The following TMEM163 variants were observed in gnomAD, a reference collection of about 807,000 sequenced individuals.
TMEM163 encodes the protein transmembrane protein 163.
A neutral mutation model predicts 29.3 loss-of-function variants in TMEM163; 17 were observed. The observed-to-expected ratio is 0.58, with a 90% CI of 0.40 to 0.87. The LOEUF (loss-of-function observed/expected upper bound fraction) is 0.87. Ranked by LOEUF, TMEM163 falls within the 40% of genes least tolerant of loss-of-function variation. The pLI is 0.00. For missense variants in TMEM163, 303 were observed against 381.5 expected, an observed-to-expected ratio of 0.79 and a Z score of 1.71; for synonymous variants, 157 against 160.6, an observed-to-expected ratio of 0.98 and a Z score of 0.17.
intron 2 of TMEM163, among the ~76,000 whole-genome samples, chr2:134,585,629 C>G (rs1013709733): frequency 1.3e-5 from 2 of 151,940 alleles, no homozygotes; most frequent in African/African-American, 4.8e-5. Flanking sequence ...GTAGTCCCAG[C>G]TACTAGGGAG....
intron 2 of TMEM163, among the ~76,000 whole-genome samples, chr2:134,697,888 T>C (rs540876520): frequency 6.6e-6 from 1 of 152,358 alleles, no homozygotes; most frequent in South Asian, 2.1e-4. Context: ...CTATAAATTC[T>C]CTGTTGCCTT....
At chr2:134,666,440 C>T (rs912804139) in intron 2 of TMEM163, among the ~76,000 whole-genome samples, 19 of 152,302 alleles carry the variant, frequency 1.2e-4, no homozygotes, top group Admixed American at 7.8e-4. Context: ...AAGCTGCTGA[C>T]GTTTCTGCCT....
chr2:134,660,000 T>C (rs1683712520), intron 2 of TMEM163, among the ~76,000 whole-genome samples: 1 of 152,046 alleles, frequency 6.6e-6, no homozygotes, highest in Non-Finnish European at 1.5e-5. Flanking sequence ...ATTTAGTTCA[T>C]GAAGAAAGTG....
chr2:134,460,409 G>A lies in TMEM163; in HGVS notation c.668-2236C>T, dbSNP rs1057110833. ...TCCCTCCTGCCTCCAGCTAACAGGC[G>A]AGCTTTGCCATTTTAACCGCCCCCC... On this transcript the variant is annotated intron_variant, in intron 6 of 7. Coordinates refer to ENST00000281924, the MANE Select transcript of TMEM163 (RefSeq NM_030923.5). This position sits in a 1 kb window ranked among gnomAD's most constrained non-coding sequence, Gnocchi z 4.3. 2.0e-4 allele frequency among the ~76,000 whole-genome samples: 30 copies of A among 151,892 alleles called. No homozygotes were observed. The highest frequency in any genetic ancestry group is 1.8e-3 in the Admixed American group (27 of 15,258).
chr2:134,506,330 C>T (rs533788961), intron 4 of TMEM163, among the ~76,000 whole-genome samples: 1 of 152,258 alleles, frequency 6.6e-6, no homozygotes, highest in South Asian at 2.1e-4. Context: ...CTATTATTAG[C>T]GGAGGGCACG....
chr2:134,587,466 C>T (rs1457343678), intron 2 of TMEM163, among the ~76,000 whole-genome samples: 1 of 149,834 alleles, frequency 6.7e-6, no homozygotes, highest in Admixed American at 6.6e-5. Context: ...AGGCTGAGAA[C>T]ACCATCCACA....
At chr2:134,534,259 A>G (rs918331156) in intron 4 of TMEM163, among the ~76,000 whole-genome samples, 4 of 120,466 alleles carry the variant, frequency 3.3e-5, no homozygotes, top group Non-Finnish European at 5.3e-5. Flanking sequence ...TCTGATTGAT[A>G]AAACTGGACT....
In TMEM163 at chr2:134,715,767, GA is replaced by G. The variant is rs200439301; in HGVS notation, c.203-2449del. Among the ~76,000 whole-genome samples, 26 of 152,332 alleles carry G rather than the reference GA, an allele frequency of 1.7e-4. 2 individuals are homozygous for G. The highest frequency in any genetic ancestry group is 5.8e-4 in the African/African-American group (24 of 41,586). ...AGGAAGCTGTGCTTTAAAGCTGGAA[GA>G]AAGCCAGGCTGAAGAGACAGGACAG... On this transcript the variant is annotated intron_variant, in intron 1 of 7. Transcript: ENST00000281924.
In TMEM163 at chr2:134,519,140, C is replaced by T. The variant is rs560877444; in HGVS notation, c.459-16143G>A. Reference sequence around the variant, plus strand: ...GAAGTGTTGTAGTAGCCCACAATTCCGTGTTGCCATTTAAGATACTCACAG... The same window carrying T: ...GAAGTGTTGTAGTAGCCCACAATTCTGTGTTGCCATTTAAGATACTCACAG... On this transcript the variant is annotated intron_variant, in intron 4 of 7. Transcript: ENST00000281924. Among the ~76,000 whole-genome samples, 170 of 152,270 alleles carry T rather than the reference C, an allele frequency of 1.1e-3. 1 individual carries two copies. Among genetic ancestry groups the T allele is most frequent in the East Asian group, 2.3e-3 (12 of 5,176 alleles).
intron 4 of TMEM163, among the ~76,000 whole-genome samples, chr2:134,515,589 T>C (rs944776494): frequency 7.2e-5 from 11 of 152,230 alleles, no homozygotes; most frequent in African/African-American, 2.7e-4. Context: ...GTGTTATTTA[T>C]ATTTAAATGT....
At chr2:134,525,099 T>C (rs1476385744) in intron 4 of TMEM163, among the ~76,000 whole-genome samples, 1 of 152,244 alleles carries the variant, frequency 6.6e-6, no homozygotes, top group Non-Finnish European at 1.5e-5. Context: ...GTGGTTTTAA[T>C]TTAATGCAAG....
chr2:134,632,754 T>G (rs1440485655), intron 2 of TMEM163, among the ~76,000 whole-genome samples: 1 of 151,480 alleles, frequency 6.6e-6, no homozygotes, highest in African/African-American at 2.4e-5. Flanking sequence ...TTTTTTTTTT[T>G]CTTTTTGAGA....
intron 2 of TMEM163, among the ~76,000 whole-genome samples, chr2:134,569,816 T>C (rs564755181): frequency 2.0e-5 from 3 of 152,320 alleles, no homozygotes; most frequent in South Asian, 2.1e-4. Context: ...AAATATTAAA[T>C]AGAAAATTCA....
In TMEM163 at chr2:134,703,775, AAG is replaced by A. The variant is rs141525626; in HGVS notation, c.322+9423_322+9424del. On this transcript the variant is annotated intron_variant, in intron 2 of 7. Coordinates refer to ENST00000281924, the MANE Select transcript of TMEM163 (RefSeq NM_030923.5). ...TGCTGGGAGAGAATGAGGGGGAAAT[AAG>A]AGAGAGGGATGGAGAATGGGGGCTG... 7.1e-4 allele frequency among the ~76,000 whole-genome samples: 108 copies of A among 151,954 alleles called. 1 individual carries two copies. The East Asian group carries it at 0.019, about 27-fold the overall frequency.
In TMEM163 at chr2:134,460,785, A is replaced by G. The variant is rs897289684; in HGVS notation, c.668-2612T>C. On this transcript the variant is annotated intron_variant, in intron 6 of 7. Coordinates refer to ENST00000281924, the MANE Select transcript of TMEM163 (RefSeq NM_030923.5). This position sits in a 1 kb window ranked among gnomAD's most constrained non-coding sequence, Gnocchi z 4.3. The stretch of plus-strand genomic sequence containing the variant: ...GCCGGCCCAGCTTGCTATTCCTGAC[A>G]GCAGGTCCACCAGGTGTTCCCCGAC... Among the ~76,000 whole-genome samples the G allele has an allele frequency of 2.0e-5, 3 of 152,170 alleles. No homozygotes were observed. Among genetic ancestry groups the G allele is most frequent in the African/African-American group, 7.2e-5 (3 of 41,438 alleles).
chr2:134,658,813 G>A (rs531084851), intron 2 of TMEM163, among the ~76,000 whole-genome samples: 13 of 152,208 alleles, frequency 8.5e-5, no homozygotes, highest in Admixed American at 6.5e-4. Flanking sequence ...TAGCCAGGAT[G>A]GTCTTGATCA....
chr2:134,616,969 A>T (rs1040805447), intron 2 of TMEM163, among the ~76,000 whole-genome samples: 1 of 152,240 alleles, frequency 6.6e-6, no homozygotes, highest in Non-Finnish European at 1.5e-5. Context: ...AAATGACTCC[A>T]TATGGTAACA....
intron 2 of TMEM163, among the ~76,000 whole-genome samples, chr2:134,654,214 T>G (rs1378654343): frequency 7.6e-6 from 1 of 131,456 alleles, no homozygotes; most frequent in Non-Finnish European, 1.6e-5. Flanking sequence ...GGACTTGCTT[T>G]ATAAATCTGG....
At chr2:134,679,237 C>T (rs1451218791) in intron 2 of TMEM163, among the ~76,000 whole-genome samples, 1 of 152,210 alleles carries the variant, frequency 6.6e-6, no homozygotes, top group African/African-American at 2.4e-5. Context: ...TCAGCGGAGC[C>T]ATGCTGGGGC....
Sources: gnomAD v4.1 joint callset for allele counts (sites outside exome capture counted in the v4.1 genomes callset) on GRCh38, gnomAD v4.1.1 for gene constraint, Gnocchi (gnomAD v3.1) non-coding constraint, MANE v1.5 for transcripts, NCBI Gene and HGNC (gene_info 2026-07-23, HGNC 2026-07-21) for gene names.